EIF3H: variants seen among roughly 807,000 people sequenced by gnomAD.
EIF3H encodes the protein eIF-3-gamma.
Under a neutral mutation model 44.2 loss-of-function variants are expected in EIF3H, and 26 were observed. The ratio of observed to expected loss-of-function variants is 0.59; its 90% CI spans 0.43 to 0.82. EIF3H has a LOEUF of 0.82. EIF3H is among the 40% of genes least tolerant of loss of function. EIF3H has a pLI of 0.00. For missense variants in EIF3H, 359 were observed against 432.8 expected (o/e 0.83, Z 1.51); for synonymous variants, 166 against 151.9 (o/e 1.09, Z -0.68).
At chr8:116,727,633 T>C (rs745886107) in intron 1 of EIF3H, among the ~76,000 whole-genome samples, 88 of 152,212 alleles carry the variant, frequency 5.8e-4, no homozygotes, top group Non-Finnish European at 6.9e-4. Context: ...CATTCCATAG[T>C]TGGGGGGTTA....
chr8:116,737,784 T>A (rs1166513449), intron 1 of EIF3H: 1 of 152,624 alleles, frequency 6.6e-6, no homozygotes, highest in Non-Finnish European at 1.5e-5. Context: ...CCTGTAATCC[T>A]AGCACTTTGG....
intron 1 of EIF3H, 139 bp downstream of exon 1, chr8:116,755,527 G>A (rs971029618): frequency 1.1e-5 from 13 of 1,142,570 alleles, no homozygotes; most frequent in South Asian, 3.2e-5. Flanking sequence ...AAGTGAAGAT[G>A]AAAGAGAAAC....
intron 2 of EIF3H, among the ~76,000 whole-genome samples, chr8:116,674,637 C>G (rs1813816128): frequency 6.6e-6 from 1 of 152,144 alleles, no homozygotes; most frequent in East Asian, 1.9e-4. Flanking sequence ...GCCTGAATAT[C>G]TAGTAATGTG....
intron 2 of EIF3H, among the ~76,000 whole-genome samples, chr8:116,705,674 CAAG>C (rs2130888793): frequency 6.6e-6 from 1 of 152,108 alleles, no homozygotes; most frequent in East Asian, 1.9e-4. Context: ...TGGTGGGAAA[CAAG>C]AAAAGACTGA....
intron 2 of EIF3H, among the ~76,000 whole-genome samples, chr8:116,704,833 AT>A (rs34841893): frequency 0.85 from 129,551 of 151,978 alleles, 55,379 homozygotes; most frequent in Middle Eastern, 0.89. Context: ...TATTTCAAGC[AT>A]TTTTTTTTCT....
intron 6 of EIF3H, among the ~76,000 whole-genome samples, chr8:116,647,177 TCCGCCTCC>T (rs1435611854): frequency 6.6e-6 from 1 of 151,784 alleles, no homozygotes. Flanking sequence ...CCTCCGCCTC[TCCGCCTCC>T]CCGCCTCCCC....
chr8:116,763,592 C>T (rs771361035), intron 1 of EIF3H, among the ~76,000 whole-genome samples: 2 of 152,050 alleles, frequency 1.3e-5, no homozygotes, highest in East Asian at 1.9e-4. Flanking sequence ...GGGATCTTAG[C>T]GAAGAACCTC....
chr8:116,755,082 G>A (rs1381751213), intron 1 of EIF3H, among the ~76,000 whole-genome samples: 2 of 152,200 alleles, frequency 1.3e-5, no homozygotes, highest in East Asian at 1.9e-4. Context: ...TTCCTTGGAT[G>A]TCCTAGTTCA....
At chr8:116,709,464 CAT>C (rs975065006) in intron 2 of EIF3H, among the ~76,000 whole-genome samples, 44 of 152,122 alleles carry the variant, frequency 2.9e-4, no homozygotes, top group Admixed American at 6.5e-4. Flanking sequence ...TAAGGGATCA[CAT>C]GTTTTATCAA....
At chr8:116,736,097 A>G (rs1006405991) in intron 1 of EIF3H, among the ~76,000 whole-genome samples, 1 of 152,250 alleles carries the variant, frequency 6.6e-6, no homozygotes, top group Admixed American at 6.5e-5. Flanking sequence ...AGAAATCTCA[A>G]AAACATGCAA....
intron 2 of EIF3H, among the ~76,000 whole-genome samples, chr8:116,690,099 A>G (rs1302409038): frequency 1.3e-5 from 2 of 152,212 alleles, no homozygotes; most frequent in Non-Finnish European, 2.9e-5. Flanking sequence ...ACCACGTCTC[A>G]GGTCCTTCTC....
At chr8:116,645,464 G>A (rs934892813) in intron 7 of EIF3H, among the ~76,000 whole-genome samples, 1 of 152,190 alleles carries the variant, frequency 6.6e-6, no homozygotes, top group African/African-American at 2.4e-5. Context: ...AAATCACAGA[G>A]CTGCAAACCA....
At chr8:116,708,053 T>G (rs1353471844) in intron 2 of EIF3H, among the ~76,000 whole-genome samples, 1 of 152,156 alleles carries the variant, frequency 6.6e-6, no homozygotes, top group Non-Finnish European at 1.5e-5. Flanking sequence ...AGTATTTGCA[T>G]TATTCAAATC....
At chr8:116,736,534 C>T (rs1311758968) in intron 1 of EIF3H, among the ~76,000 whole-genome samples, 1 of 152,062 alleles carries the variant, frequency 6.6e-6, no homozygotes, top group Non-Finnish European at 1.5e-5. Flanking sequence ...TGGTGGCACG[C>T]GCCTATAGTT....
intron 2 of EIF3H, among the ~76,000 whole-genome samples, chr8:116,700,869 C>G (rs1191266589): frequency 6.6e-6 from 1 of 152,096 alleles, no homozygotes; most frequent in African/African-American, 2.4e-5. Context: ...AATTTACTTA[C>G]AAATTATATG....
chr8:116,742,107 T>C (rs1815143007), intron 1 of EIF3H, among the ~76,000 whole-genome samples: 1 of 152,142 alleles, frequency 6.6e-6, no homozygotes, highest in African/African-American at 2.4e-5. Context: ...AAAGATTTTC[T>C]GCTCCTGACA....
chr8:116,672,582 A>C (rs1813775157), intron 2 of EIF3H, among the ~76,000 whole-genome samples: 1 of 152,060 alleles, frequency 6.6e-6, no homozygotes, highest in South Asian at 2.1e-4. Context: ...GTGAGCTATG[A>C]TCATGCCACT....
intron 2 of EIF3H, among the ~76,000 whole-genome samples, chr8:116,714,895 A>G (rs1814636976): frequency 6.6e-6 from 1 of 152,068 alleles, no homozygotes; most frequent in Non-Finnish European, 1.5e-5. Context: ...TCTGAGCTCT[A>G]AAGCAATACA....
At chr8:116,702,493 T>C (rs1302011034) in intron 2 of EIF3H, among the ~76,000 whole-genome samples, 1 of 152,178 alleles carries the variant, frequency 6.6e-6, no homozygotes, top group Admixed American at 6.5e-5. Context: ...CCAATTTAAA[T>C]CTTACTCCAC....
Sources: allele counts gnomAD v4.1 joint callset (sites outside exome capture counted in the v4.1 genomes callset), GRCh38; gene constraint gnomAD v4.1.1; transcripts MANE v1.5; gene names NCBI Gene and HGNC (gene_info 2026-07-23, HGNC 2026-07-21).